Variants in PLD5 observed in about 807,000 individuals in gnomAD.
PLD5 encodes phospholipase D family member 5, also known as inactive phospholipase D5.
PLD5 carries 36 observed loss-of-function variants against 61.1 expected under a neutral mutation model. The ratio of observed to expected loss-of-function variants is 0.59; its 90% CI spans 0.45 to 0.78. The LOEUF (loss-of-function observed/expected upper bound fraction) is 0.78, where lower values mean the gene tolerates loss of function less well. Ranked by LOEUF, PLD5 falls within the 30% of genes least tolerant of loss-of-function variation. The pLI, the probability that PLD5 is intolerant of heterozygous loss-of-function variation, is 0.00. For missense variants in PLD5, 515 were observed against 644.4 expected (o/e 0.80, Z 2.17); for synonymous variants, 243 against 242.8 (o/e 1.00, Z -0.01).
intron 4 of PLD5, among the ~76,000 whole-genome samples, chr1:242,247,795 A>C (rs1159654693): frequency 6.6e-6 from 1 of 152,178 alleles, no homozygotes; most frequent in East Asian, 1.9e-4. Flanking sequence ...TGGTATTCCA[A>C]CATGTGGATG....
At chr1:242,354,287 A>G (rs1054706476) in intron 1 of PLD5, among the ~76,000 whole-genome samples, 3 of 152,140 alleles carry the variant, frequency 2.0e-5, no homozygotes, top group Admixed American at 6.6e-5. Context: ...TTTTTCCTAG[A>G]GAGTTCTAAA....
At chr1:242,351,072 T>C (rs1010768870) in intron 1 of PLD5, among the ~76,000 whole-genome samples, 9 of 152,014 alleles carry the variant, frequency 5.9e-5, no homozygotes, top group African/African-American at 2.2e-4. Context: ...CAGCTAATTT[T>C]ATATTTTTAG....
intron 1 of PLD5, among the ~76,000 whole-genome samples, chr1:242,407,661 C>T (rs951170582): frequency 1.3e-5 from 2 of 151,006 alleles, no homozygotes; most frequent in Non-Finnish European, 2.9e-5. Flanking sequence ...CTCACTGCAA[C>T]CTCTGCCTAT....
At position 242,387,819 on chromosome 1, in the gene PLD5, A is replaced by C. The variant is rs34473966; in HGVS notation, c.190-39577T>G. On this transcript the variant is annotated intron_variant, in intron 1 of 9. Coordinates refer to ENST00000536534, the MANE Select transcript of PLD5 (RefSeq NM_001372062.1). ...CAGGAATTAGAAGGTAGCAATAAAA[A>C]GTATGGACAACTCTTTAAGGAAACG... 8.7e-3 allele frequency among the ~76,000 whole-genome samples: 1,325 copies of C among 152,012 alleles called. 14 individuals are homozygous for C. Among genetic ancestry groups the C allele is most frequent in the East Asian group, 0.027 (142 of 5,178 alleles).
At chr1:242,509,373 C>T (rs1371756162) in intron 1 of PLD5, among the ~76,000 whole-genome samples, 3 of 152,142 alleles carry the variant, frequency 2.0e-5, no homozygotes, top group Non-Finnish European at 1.5e-5. Flanking sequence ...AGCAAGACTC[C>T]ATTTTAATAA....
At chr1:242,191,421 A>G (rs527413706) in intron 5 of PLD5, among the ~76,000 whole-genome samples, 13 of 152,088 alleles carry the variant, frequency 8.5e-5, no homozygotes, top group Non-Finnish European at 1.9e-4. Flanking sequence ...CCCCATCTCT[A>G]CTATAAACAC....
intron 4 of PLD5, among the ~76,000 whole-genome samples, chr1:242,239,615 A>G (rs771801745): frequency 6.6e-6 from 1 of 152,178 alleles, no homozygotes. Flanking sequence ...CTTAGAATCT[A>G]GATCTACCAA....
chr1:242,386,028 G>A (rs1662578819), intron 1 of PLD5, among the ~76,000 whole-genome samples: 1 of 152,106 alleles, frequency 6.6e-6, no homozygotes, highest in Non-Finnish European at 1.5e-5. Context: ...ATCCATTCCA[G>A]GACCCTCTCC....
intron 5 of PLD5, among the ~76,000 whole-genome samples, chr1:242,135,044 C>A (rs1663603264): frequency 6.6e-6 from 1 of 152,110 alleles, no homozygotes. Flanking sequence ...TTAGACAAGT[C>A]CCTTAATCTT....
intron 5 of PLD5, among the ~76,000 whole-genome samples, chr1:242,167,233 T>C (rs1376639220): frequency 6.6e-6 from 1 of 152,182 alleles, no homozygotes; most frequent in African/African-American, 2.4e-5. Context: ...GTTCTCATGC[T>C]GCTAATAAAG....
rs537177688 is a variant in PLD5, at chr1:242,087,236, G to C, written c.*2618C>G. The stretch of plus-strand genomic sequence containing the variant: ...CCCAGACTCCCCTGATTAGGGGCTT[G>C]CTGTGTCTGGTAGGCATCTGCTGCT... On this transcript the variant is annotated 3_prime_UTR_variant, in exon 10 of 10. Transcript: ENST00000536534. The C allele has an allele frequency of 6.8e-4, 104 of 152,296 alleles. No homozygotes were observed. The highest frequency in any genetic ancestry group is 2.3e-3 in the African/African-American group (96 of 41,550). 9.4% of individuals were successfully genotyped at this position (152,296 alleles called of 1,614,324 possible).
intron 6 of PLD5, among the ~76,000 whole-genome samples, chr1:242,117,780 C>T (rs1662064319): frequency 6.6e-6 from 1 of 152,124 alleles, no homozygotes; most frequent in South Asian, 2.1e-4. Flanking sequence ...CCATCATAAC[C>T]ATTTTTAAGT....
intron 2 of PLD5, among the ~76,000 whole-genome samples, chr1:242,315,337 A>G (rs556405781): frequency 6.6e-6 from 1 of 152,352 alleles, no homozygotes; most frequent in South Asian, 2.1e-4. Context: ...AATACCGGAA[A>G]GGACATTTGC....
chr1:242,427,394 T>C (rs1451204057), intron 1 of PLD5, among the ~76,000 whole-genome samples: 1 of 152,238 alleles, frequency 6.6e-6, no homozygotes, highest in Admixed American at 6.5e-5. Flanking sequence ...AGTTGCATCA[T>C]GTCTTCCAAC....
At chr1:242,505,389 AAATTGT>A (rs1668688297) in intron 1 of PLD5, among the ~76,000 whole-genome samples, 1 of 152,182 alleles carries the variant, frequency 6.6e-6, no homozygotes, top group East Asian at 1.9e-4. Context: ...AAATATTGAC[AAATTGT>A]AATTGTACAT....
intron 5 of PLD5, among the ~76,000 whole-genome samples, chr1:242,132,343 T>C (rs532046450): frequency 6.6e-6 from 1 of 152,134 alleles, no homozygotes; most frequent in East Asian, 1.9e-4. Context: ...GGAGAGACAT[T>C]AGCACCGTTC....
intron 1 of PLD5, among the ~76,000 whole-genome samples, chr1:242,394,949 T>TA (rs1558527747): frequency 2.1e-4 from 14 of 67,172 alleles, no homozygotes; most frequent in Admixed American, 1.6e-3. Context: ...ATATATATGA[T>TA]TATATATGAA....
At chr1:242,127,744 C>G (rs1662913024) in intron 5 of PLD5, among the ~76,000 whole-genome samples, 1 of 152,134 alleles carries the variant, frequency 6.6e-6, no homozygotes, top group Admixed American at 6.5e-5. Flanking sequence ...CAAAATCTCA[C>G]AAATCACCAC....
At position 242,301,560 on chromosome 1, in the gene PLD5, T is replaced by G. The variant is rs144706634; in HGVS notation, c.327-13030A>C. ...CAATGTTCAACACCAGAGACAACTTTAGACCCTTATCAGCCTGGAGACCAA... is the reference window on the plus strand; with the variant it reads ...CAATGTTCAACACCAGAGACAACTTGAGACCCTTATCAGCCTGGAGACCAA... On this transcript the variant is annotated intron_variant, in intron 2 of 9. Coordinates refer to ENST00000536534, the MANE Select transcript of PLD5 (RefSeq NM_001372062.1). Among the ~76,000 whole-genome samples the G allele has an allele frequency of 1.3e-4, 20 of 152,222 alleles. 1 individual carries two copies. The highest frequency in any genetic ancestry group is 4.6e-4 in the African/African-American group (19 of 41,542).
Sources: gnomAD v4.1 joint callset for allele counts (sites outside exome capture counted in the v4.1 genomes callset) on GRCh38, gnomAD v4.1.1 for gene constraint, MANE v1.5 for transcripts, NCBI Gene and HGNC (gene_info 2026-07-23, HGNC 2026-07-21) for gene names.